The following ADAMTSL1 variants were observed in gnomAD, a reference collection of about 807,000 sequenced individuals.
The protein encoded by ADAMTSL1 is ADAMTS-like protein 1.
In ADAMTSL1, 126 loss-of-function variants were observed where a neutral mutation model predicts 201.8. The ratio of observed to expected loss-of-function variants is 0.62; its 90% CI spans 0.54 to 0.72. The LOEUF (loss-of-function observed/expected upper bound fraction) is 0.72, where lower values mean the gene tolerates loss of function less well. Ranked by LOEUF, ADAMTSL1 falls within the 30% of genes least tolerant of loss-of-function variation. ADAMTSL1 has a pLI of 0.00. For synonymous variants in ADAMTSL1, 1,121 were observed against 903.4 expected, an observed-to-expected ratio of 1.24 and a Z score of -4.32; for missense variants, 2,679 against 2,277.8, an observed-to-expected ratio of 1.18 and a Z score of -3.59.
At chr9:18,059,385 CA>C (rs1822349273) in intron 1 of ADAMTSL1, among the ~76,000 whole-genome samples, 1 of 152,010 alleles carries the variant, frequency 6.6e-6, no homozygotes, top group Admixed American at 6.6e-5. Context: ...AATTTCATGT[CA>C]TGTATTTTGT....
intron 5 of ADAMTSL1, among the ~76,000 whole-genome samples, chr9:18,632,494 C>T (rs1221063859): frequency 6.6e-6 from 1 of 151,902 alleles, no homozygotes; most frequent in Non-Finnish European, 1.5e-5. Flanking sequence ...GTGCAGTGCT[C>T]CTAAAAAAAT....
At chr9:17,969,303 G>A (rs1818110538) in intron 1 of ADAMTSL1, among the ~76,000 whole-genome samples, 1 of 151,976 alleles carries the variant, frequency 6.6e-6, no homozygotes, top group Admixed American at 6.6e-5. Context: ...TATTTCTTGG[G>A]CAATTTTTAA....
intron 2 of ADAMTSL1, among the ~76,000 whole-genome samples, chr9:18,279,357 G>C (rs994510710): frequency 2.6e-5 from 4 of 152,090 alleles, no homozygotes; most frequent in African/African-American, 9.6e-5. Context: ...GTTAAAATGT[G>C]TTGTTCAAGG....
chr9:18,011,576 T>C (rs948536028), intron 1 of ADAMTSL1, among the ~76,000 whole-genome samples: 5 of 151,964 alleles, frequency 3.3e-5, no homozygotes, highest in Non-Finnish European at 4.4e-5. Context: ...CTCTCTTAAC[T>C]CTTTTGCTAG....
intron 4 of ADAMTSL1, among the ~76,000 whole-genome samples, chr9:18,600,171 C>G (rs1389564731): frequency 1.3e-5 from 2 of 152,064 alleles, no homozygotes; most frequent in Admixed American, 6.5e-5. Flanking sequence ...TTCTCTGATG[C>G]TTCCCCAAAG....
intron 2 of ADAMTSL1, among the ~76,000 whole-genome samples, chr9:18,424,588 TA>T (rs1374637812): frequency 1.3e-5 from 2 of 152,176 alleles, no homozygotes; most frequent in African/African-American, 4.8e-5. Flanking sequence ...AATGCAAGAA[TA>T]AAAACACCAA....
intron 1 of ADAMTSL1, among the ~76,000 whole-genome samples, chr9:18,160,847 ATTTTTTT>A (rs35532729): frequency 4.2e-5 from 5 of 119,284 alleles, no homozygotes; most frequent in African/African-American, 6.3e-5. Flanking sequence ...ACCTGGCTAA[ATTTTTTT>A]TTTTTTTTTT....
At chr9:18,625,693 T>C (rs1826318415) in intron 5 of ADAMTSL1, among the ~76,000 whole-genome samples, 1 of 152,208 alleles carries the variant, frequency 6.6e-6, no homozygotes, top group African/African-American at 2.4e-5. Context: ...TTCTATATTT[T>C]CCAAGTATAC....
At chr9:18,154,396 G>C (rs1827054879) in intron 1 of ADAMTSL1, among the ~76,000 whole-genome samples, 1 of 152,044 alleles carries the variant, frequency 6.6e-6, no homozygotes, top group Non-Finnish European at 1.5e-5. Context: ...GGATGGTTCA[G>C]TCATATATCT....
At chr9:18,660,495 G>C (rs953346027) in intron 8 of ADAMTSL1, among the ~76,000 whole-genome samples, 1 of 152,128 alleles carries the variant, frequency 6.6e-6, no homozygotes, top group Non-Finnish European at 1.5e-5. Flanking sequence ...GGTTTAGGCT[G>C]ACAAATTTTG....
intron 7 of ADAMTSL1, among the ~76,000 whole-genome samples, chr9:18,649,864 T>C (rs2065918443): frequency 6.6e-6 from 1 of 152,160 alleles, no homozygotes; most frequent in African/African-American, 2.4e-5. Flanking sequence ...GAGGAGGCAG[T>C]CTGCCCGTTC....
At chr9:18,525,687 T>C (rs549670862) in intron 2 of ADAMTSL1, among the ~76,000 whole-genome samples, 1 of 152,330 alleles carries the variant, frequency 6.6e-6, no homozygotes, top group South Asian at 2.1e-4. Context: ...ATTTCTGCCT[T>C]CATTTCATTT....
Position 18,737,319 on chromosome 9 carries a change from C to CAAA in ADAMTSL1, c.2006+15676_2006+15678dup, listed in dbSNP as rs59511409. Among the ~76,000 whole-genome samples the CAAA allele has an allele frequency of 9.1e-4, 49 of 53,668 alleles. 6 individuals are homozygous for CAAA. The highest frequency in any genetic ancestry group is 3.1e-3 in the African/African-American group (40 of 12,938). The allele number at this position is 53,668 out of a possible 152,430, so 35.2% of individuals were successfully genotyped here. ...GCCCAACAAGAGTGAAACTCTGTCT[C>CAAA]AAAAAAAAAAAAAAAAAAAAAAAAG... On this transcript the variant is annotated intron_variant, in intron 15 of 28. Coordinates refer to ENST00000380548, the MANE Select transcript of ADAMTSL1 (RefSeq NM_001040272.6).
rs192607434 is a variant in ADAMTSL1 at position 18,676,994 on chromosome 9, G to A, written c.1136+1087G>A. 6.3e-4 allele frequency among the ~76,000 whole-genome samples: 95 copies of A among 151,786 alleles called. 2 individuals are homozygous for A. The highest frequency in any genetic ancestry group is 3.4e-3 in the Middle Eastern group (1 of 294). On this transcript the variant is annotated intron_variant, in intron 10 of 28. Transcript: ENST00000380548. ...ACAGATATGTTAAATATATATTTACGCAAATATGCATTCATATATTCAATG... is the reference window on the plus strand; with the variant it reads ...ACAGATATGTTAAATATATATTTACACAAATATGCATTCATATATTCAATG...
chr9:18,876,738 G>GTC, intron 23 of ADAMTSL1, among the ~76,000 whole-genome samples: 1 of 152,126 alleles, frequency 6.6e-6, no homozygotes, highest in East Asian at 1.9e-4. Context: ...CCTAGATGAT[G>GTC]ATCTTTTTGC....
chr9:18,604,148 C>T (rs1323630078), intron 4 of ADAMTSL1, among the ~76,000 whole-genome samples: 1 of 152,138 alleles, frequency 6.6e-6, no homozygotes, highest in South Asian at 2.1e-4. Flanking sequence ...TAGGTAAGTG[C>T]AAGGAAGAAC....
At chr9:18,649,338 C>T (rs1280410605) in intron 7 of ADAMTSL1, among the ~76,000 whole-genome samples, 10 of 151,876 alleles carry the variant, frequency 6.6e-5, no homozygotes, top group Admixed American at 3.9e-4. Flanking sequence ...TTTGAATTTC[C>T]TCCTGTAGCT....
intron 3 of ADAMTSL1, among the ~76,000 whole-genome samples, chr9:18,554,792 C>T (rs1156709346): frequency 2.0e-5 from 3 of 151,390 alleles, no homozygotes; most frequent in Admixed American, 2.0e-4. Flanking sequence ...TCTCTGCCTA[C>T]CACATGTACA....
chr9:18,481,814 A>G (rs1587336348), intron 1 of ADAMTSL1, among the ~76,000 whole-genome samples: 1 of 152,264 alleles, frequency 6.6e-6, no homozygotes, highest in African/African-American at 2.4e-5. Flanking sequence ...TTTTTAGTTA[A>G]TATTCTTTAG....
Sources: gnomAD v4.1 joint callset for allele counts (sites outside exome capture counted in the v4.1 genomes callset) on GRCh38, gnomAD v4.1.1 for gene constraint, MANE v1.5 for transcripts, NCBI Gene and HGNC (gene_info 2026-07-23, HGNC 2026-07-21) for gene names.